Variants in FAM240A observed in about 807,000 individuals in gnomAD.
FAM240A encodes the protein protein FAM240A.
In FAM240A, 8 loss-of-function variants were observed where a neutral mutation model predicts 7.3. The ratio of observed to expected loss-of-function variants is 1.09; its 90% CI spans 0.64 to 1.97. The LOEUF is 1.97. Ranked by LOEUF, FAM240A falls within the 30% of genes most tolerant of loss-of-function variation. The pLI, the probability that FAM240A is intolerant of heterozygous loss-of-function variation, is 0.00. For synonymous variants in FAM240A, 32 were observed against 35.9 expected, an observed-to-expected ratio of 0.89 and a Z score of 0.38; for missense variants, 90 against 102.2, an observed-to-expected ratio of 0.88 and a Z score of 0.52.
At position 46,617,367 on chromosome 3, in the gene FAM240A, T is replaced by C. The variant is rs972624075; in HGVS notation, c.161+39T>C. ...TTGTCTACTTTTTAGAATTAATTAA[T>C]TTTTAAAATACATCGTATAATTTAG... On this transcript the variant is annotated intron_variant, in intron 2 of 2. Coordinates refer to ENST00000640551, the MANE Select transcript of FAM240A (RefSeq NM_001195442.2). 4.6e-5 allele frequency: 68 copies of C among 1,479,324 alleles called. No homozygotes were observed. The East Asian group carries it at 1.5e-3, about 34-fold the overall frequency. 91.6% of individuals were successfully genotyped at this position (1,479,324 alleles called of 1,614,324 possible).
chr3:46,623,010 G>A (rs111861916), intron 2 of FAM240A, among the ~76,000 whole-genome samples: 5 of 152,144 alleles, frequency 3.3e-5, no homozygotes, highest in Admixed American at 6.5e-5. Context: ...CAATATATAC[G>A]TCCCTTTATT....
At chr3:46,614,745 C>G (rs1697608754) in intron 1 of FAM240A, among the ~76,000 whole-genome samples, 1 of 152,182 alleles carries the variant, frequency 6.6e-6, no homozygotes, top group African/African-American at 2.4e-5. Flanking sequence ...CTACTGTCAT[C>G]CAAGCTTTCC....
intron 1 of FAM240A, among the ~76,000 whole-genome samples, chr3:46,613,713 A>G (rs1483382182): frequency 6.6e-6 from 1 of 151,950 alleles, no homozygotes; most frequent in Non-Finnish European, 1.5e-5. Flanking sequence ...CTGCCCGCTC[A>G]TCCTGCAAGT....
intron 1 of FAM240A, among the ~76,000 whole-genome samples, chr3:46,613,890 G>A (rs1575383917): frequency 6.6e-6 from 1 of 152,132 alleles, no homozygotes; most frequent in Non-Finnish European, 1.5e-5. Context: ...TTAGAGTGAA[G>A]AAGGATGGGG....
intron 1 of FAM240A, among the ~76,000 whole-genome samples, chr3:46,613,509 A>AAATAAATAAATAAAT (rs1553617667): frequency 6.6e-6 from 1 of 151,308 alleles, no homozygotes; most frequent in Non-Finnish European, 1.5e-5. Flanking sequence ...ATAAATAAAT[A>AAATAAATAAATAAAT]AATAAATAAA....
intron 2 of FAM240A, among the ~76,000 whole-genome samples, chr3:46,621,051 C>T (rs1458958767): frequency 1.3e-5 from 2 of 152,082 alleles, no homozygotes; most frequent in South Asian, 2.1e-4. Context: ...AGTTTCTCTA[C>T]TTTTTTGTAT....
In FAM240A at chr3:46,618,902, C is replaced by T. The variant is rs563730565; in HGVS notation, c.161+1574C>T. 1.0e-3 allele frequency among the ~76,000 whole-genome samples: 153 copies of T among 150,824 alleles called. 2 individuals are homozygous for T. Among genetic ancestry groups the T allele is most frequent in the Non-Finnish European group, 1.9e-3 (130 of 67,476 alleles). ...ATATATACACACACACACACACACA[C>T]ACACACACACACACACATATGCAGT... On this transcript the variant is annotated intron_variant, in intron 2 of 2. Transcript: ENST00000640551.
intron 2 of FAM240A, among the ~76,000 whole-genome samples, chr3:46,624,534 T>C (rs924402230): frequency 2.6e-5 from 4 of 152,102 alleles, no homozygotes; most frequent in African/African-American, 9.7e-5. Flanking sequence ...CCTCCCAAAG[T>C]GCTGGGATTA....
intron 1 of FAM240A, among the ~76,000 whole-genome samples, chr3:46,612,943 T>C (rs985934289): frequency 7.2e-5 from 11 of 152,342 alleles, no homozygotes; most frequent in Middle Eastern, 3.4e-3. Context: ...GTCCTCATTG[T>C]AGACACCAGG....
At chr3:46,618,884 C>T (rs3955555) in intron 2 of FAM240A, among the ~76,000 whole-genome samples, 334 of 66,360 alleles carry the variant, frequency 5.0e-3, no homozygotes, top group African/African-American at 0.012. Flanking sequence ...TATATATATA[C>T]ACACACACAC....
At chr3:46,622,654 T>G (rs1241596791) in intron 2 of FAM240A, among the ~76,000 whole-genome samples, 3 of 152,330 alleles carry the variant, frequency 2.0e-5, no homozygotes, top group Admixed American at 6.5e-5. Flanking sequence ...TCCACTACAT[T>G]GTCTTTGCAC....
chr3:46,622,140 TCTCA>T (rs1171562206), intron 2 of FAM240A, among the ~76,000 whole-genome samples: 1 of 134,670 alleles, frequency 7.4e-6, no homozygotes, highest in Non-Finnish European at 1.6e-5. Flanking sequence ...TGAGACAGAG[TCTCA>T]CTCTGTCGCC....
chr3:46,624,276 T>A (rs1393565256), intron 2 of FAM240A, among the ~76,000 whole-genome samples: 13 of 144,300 alleles, frequency 9.0e-5, no homozygotes, highest in African/African-American at 3.4e-4. Flanking sequence ...TTTTTTTTTT[T>A]TTTTTTTTTT....
At chr3:46,623,606 A>T (rs1697721642) in intron 2 of FAM240A, among the ~76,000 whole-genome samples, 1 of 152,130 alleles carries the variant, frequency 6.6e-6, no homozygotes, top group Non-Finnish European at 1.5e-5. Flanking sequence ...TATCATCTTG[A>T]TGAATTGACC....
At position 46,619,995 on chromosome 3, in the gene FAM240A, G is replaced by A. The variant is rs185766290; in HGVS notation, c.161+2667G>A. ...GCTTGACTGGATCCAAGAAAACCACGGAACTGGCTCTTGGATGGGTCTTTG... is the reference window on the plus strand; with the variant it reads ...GCTTGACTGGATCCAAGAAAACCACAGAACTGGCTCTTGGATGGGTCTTTG... On this transcript the variant is annotated intron_variant, in intron 2 of 2. Coordinates refer to ENST00000640551, the MANE Select transcript of FAM240A (RefSeq NM_001195442.2). 7.2e-4 allele frequency among the ~76,000 whole-genome samples: 110 copies of A among 152,184 alleles called. 2 individuals are homozygous for A. The South Asian group carries it at 0.01, about 14-fold the overall frequency.
chr3:46,614,933 C>A (rs1286658387), intron 1 of FAM240A, among the ~76,000 whole-genome samples: 4 of 152,142 alleles, frequency 2.6e-5, no homozygotes, highest in African/African-American at 4.8e-5. Flanking sequence ...CTATGCCAGA[C>A]AACAGTCAGA....
intron 2 of FAM240A, among the ~76,000 whole-genome samples, chr3:46,620,906 GTTA>G (rs1323241215): frequency 6.6e-6 from 1 of 152,126 alleles, no homozygotes; most frequent in Non-Finnish European, 1.5e-5. Context: ...TTTTAAAGGA[GTTA>G]TTATATTTAA....
intron 2 of FAM240A, among the ~76,000 whole-genome samples, 165 bp from the exon 3 acceptor site, chr3:46,624,963 T>TTATATA (rs10539495): frequency 1.0e-3 from 146 of 146,640 alleles, no homozygotes; most frequent in African/African-American, 2.8e-3. Context: ...TATGAATAAA[T>TTATATA]TATATATATA....
chr3:46,619,780 G>A (rs1383589123), intron 2 of FAM240A, among the ~76,000 whole-genome samples: 2 of 152,140 alleles, frequency 1.3e-5, no homozygotes, highest in East Asian at 3.9e-4. Flanking sequence ...GAGAGAGTTG[G>A]GCAAATGTAG....
Sources: allele counts gnomAD v4.1 joint callset (sites outside exome capture counted in the v4.1 genomes callset), GRCh38; gene constraint gnomAD v4.1.1; transcripts MANE v1.5; gene names NCBI Gene and HGNC (gene_info 2026-07-23, HGNC 2026-07-21).